The following DENND1B variants were observed in gnomAD, a reference collection of about 807,000 sequenced individuals.
DENND1B encodes the protein DENN domain containing 1B.
Under a neutral mutation model 90.1 loss-of-function variants are expected in DENND1B, and 59 were observed. The observed-to-expected ratio is 0.65, with a 90% CI of 0.53 to 0.81. DENND1B has a LOEUF of 0.81. Among genes scored for constraint, DENND1B ranks in the 40% least tolerant of loss-of-function variants. The pLI, the probability that DENND1B is intolerant of heterozygous loss-of-function variation, is 0.00. For missense variants in DENND1B, 862 were observed against 912.6 expected (o/e 0.94, Z 0.71); for synonymous variants, 337 against 324.6 (o/e 1.04, Z -0.41).
At chr1:197,542,880 ATTAAT>A (rs1251314159) in intron 18 of DENND1B, among the ~76,000 whole-genome samples, 1 of 152,102 alleles carries the variant, frequency 6.6e-6, no homozygotes, top group Non-Finnish European at 1.5e-5. Flanking sequence ...TTCACCTGAA[ATTAAT>A]TTAGGGAACA....
intron 2 of DENND1B, among the ~76,000 whole-genome samples, chr1:197,751,804 A>T (rs1039757335): frequency 6.6e-6 from 1 of 151,410 alleles, no homozygotes; most frequent in Non-Finnish European, 1.5e-5. Flanking sequence ...AGATCGTGCC[A>T]CTACACTCCA....
chr1:197,635,450 C>G (rs142570636), intron 10 of DENND1B, among the ~76,000 whole-genome samples: 1 of 152,070 alleles, frequency 6.6e-6, no homozygotes, highest in Admixed American at 6.6e-5. Context: ...AATCCTCCCA[C>G]CTCAGCCTCC....
At chr1:197,686,380 A>C (rs1244324966) in intron 3 of DENND1B, among the ~76,000 whole-genome samples, 1 of 152,162 alleles carries the variant, frequency 6.6e-6, no homozygotes, top group Non-Finnish European at 1.5e-5. Flanking sequence ...AGAATAACTA[A>C]AATAGTTATT....
chr1:197,729,300 T>C (rs1312409854), intron 2 of DENND1B, among the ~76,000 whole-genome samples: 1 of 152,312 alleles, frequency 6.6e-6, no homozygotes, highest in East Asian at 1.9e-4. Context: ...TTTTCCATTC[T>C]TTCCATTCAA....
upstream of DENND1B, among the ~76,000 whole-genome samples, chr1:197,778,717 A>G (rs1464201488): frequency 6.6e-6 from 1 of 151,952 alleles, no homozygotes; most frequent in African/African-American, 2.4e-5. Context: ...ATGCTGATAA[A>G]TTTAAATCTA....
intron 2 of DENND1B, among the ~76,000 whole-genome samples, chr1:197,743,644 G>C (rs1663426791): frequency 6.6e-6 from 1 of 152,170 alleles, no homozygotes; most frequent in African/African-American, 2.4e-5. Context: ...ACCATAAGAT[G>C]TGGTTTGATA....
intron 3 of DENND1B, among the ~76,000 whole-genome samples, chr1:197,678,870 AC>A (rs1656359724): frequency 6.6e-6 from 1 of 152,052 alleles, no homozygotes; most frequent in Non-Finnish European, 1.5e-5. Flanking sequence ...ATATTTTTAA[AC>A]TTAGGGCCAA....
At position 197,775,085 on chromosome 1, in the gene DENND1B, G is replaced by C. The variant is rs1046520958; in HGVS notation, c.17+54C>G. 2.2e-5 allele frequency: 26 copies of C among 1,190,168 alleles called. No individual in the cohort carries two copies. The East Asian group carries it at 5.9e-4, about 27-fold the overall frequency. 73.7% of individuals were successfully genotyped at this position (1,190,168 alleles called of 1,614,324 possible). ...GGCGCGGAGGAGCCGAGCTGGCCTG[G>C]GAGGGGCCGCCGAGGGACGCCCGCC... On this transcript the variant is annotated intron_variant, in intron 1 of 22. Coordinates refer to ENST00000620048, the MANE Select transcript of DENND1B (RefSeq NM_001195215.2).
Position 197,583,163 on chromosome 1 carries a change from G to A in DENND1B, c.1138C>T (p.Leu380Phe). ...AGGTCCACTCTTACCTGCTTAAAAA[G>A]CTGGAGGTTAATGGCAGTTTCCAGG... ...QFLETAINLQ[L>F]FKQFIDGRLA... The change falls in exon 15 of 23, where the codon CTT (leucine) becomes TTT (phenylalanine). Residue 380 changes from leucine (L) to phenylalanine (F), a missense_variant. Physicochemically the swap from Leu to Phe is conservative, Grantham distance 22 (BLOSUM62 0). Coordinates refer to ENST00000620048, the MANE Select transcript of DENND1B (RefSeq NM_001195215.2). The A allele has an allele frequency of 6.2e-7, 1 of 1,613,736 alleles. No individual in the cohort carries two copies. The highest frequency in any genetic ancestry group is 8.5e-7 in the Non-Finnish European group (1 of 1,179,726).
Position 197,510,509 on chromosome 1 carries a change from T to G in DENND1B, c.2279A>C (p.Gln760Pro). ...TTTGTCTGAAATGTTCAAGCTTTGT[T>G]GGAAGTCAGATGTCATATGACATAA... The part of the protein sequence containing the change: ...VSLCHMTSDF[Q>P]QSLNISDKNT... Residue 760 changes from glutamine (Q) to proline (P), a missense_variant, in exon 23 of 23, where the codon CAA becomes CCA. By Grantham distance (76) the Gln-to-Pro change is moderately conservative. Transcript: ENST00000620048. 3 of 1,611,488 alleles carry G rather than the reference T, an allele frequency of 1.9e-6. No homozygotes were observed. The highest frequency in any genetic ancestry group is 2.5e-6 in the Non-Finnish European group (3 of 1,178,614).
chr1:197,650,555 T>C (rs1283070147), intron 7 of DENND1B, among the ~76,000 whole-genome samples: 1 of 152,152 alleles, frequency 6.6e-6, no homozygotes, highest in East Asian at 1.9e-4. Flanking sequence ...ATGAAAAACA[T>C]ACTTGCACAC....
At chr1:197,751,804 A>G (rs1039757335) in intron 2 of DENND1B, among the ~76,000 whole-genome samples, 21 of 151,530 alleles carry the variant, frequency 1.4e-4, no homozygotes, top group African/African-American at 4.8e-4. Context: ...AGATCGTGCC[A>G]CTACACTCCA....
At chr1:197,714,166 G>C (rs1007479225) in intron 3 of DENND1B, among the ~76,000 whole-genome samples, 1 of 151,154 alleles carries the variant, frequency 6.6e-6, no homozygotes, top group East Asian at 2.0e-4. Flanking sequence ...GCAGAGACGA[G>C]GTTTCACCAT....
At chr1:197,685,597 C>CA (rs2126007649) in intron 3 of DENND1B, 1 of 152,192 alleles carries the variant, frequency 6.6e-6, no homozygotes, top group East Asian at 1.9e-4. Context: ...TTTTCTTCTA[C>CA]AAAAATGCAC....
intron 10 of DENND1B, among the ~76,000 whole-genome samples, chr1:197,621,680 T>C (rs1678178187): frequency 6.6e-6 from 1 of 151,370 alleles, no homozygotes; most frequent in African/African-American, 2.4e-5. Flanking sequence ...GCTTTTCTAA[T>C]ATCGTCAGTT....
intron 2 of DENND1B, among the ~76,000 whole-genome samples, chr1:197,756,531 G>A (rs1156577271): frequency 7.9e-5 from 10 of 125,924 alleles, no homozygotes; most frequent in African/African-American, 1.9e-4. Context: ...AGCCAAGATC[G>A]CACCACTGCA....
intron 2 of DENND1B, among the ~76,000 whole-genome samples, chr1:197,746,358 G>A (rs569172836): frequency 4.6e-4 from 70 of 152,272 alleles, no homozygotes; most frequent in East Asian, 3.1e-3. Flanking sequence ...TCATGCTACC[G>A]CACTCTAGCC....
chr1:197,541,613 T>C (rs1274846177), intron 18 of DENND1B, among the ~76,000 whole-genome samples: 2 of 152,212 alleles, frequency 1.3e-5, no homozygotes, highest in African/African-American at 4.8e-5. Context: ...CTGTGGGGTA[T>C]AACTTAACTA....
intron 10 of DENND1B, among the ~76,000 whole-genome samples, chr1:197,631,654 C>CA (rs1572132650): frequency 6.6e-6 from 1 of 151,682 alleles, no homozygotes; most frequent in East Asian, 1.9e-4. Context: ...AGAACAACAA[C>CA]AAAGTAAATT....
Sources: gnomAD v4.1 joint callset for allele counts (sites outside exome capture counted in the v4.1 genomes callset) on GRCh38, gnomAD v4.1.1 for gene constraint, MANE v1.5 for transcripts, NCBI Gene and HGNC (gene_info 2026-07-23, HGNC 2026-07-21) for gene names.